Variants in UBIAD1 observed in about 807,000 individuals in gnomAD.
UBIAD1 encodes the protein UbiA prenyltransferase domain containing 1.
In UBIAD1, 12 loss-of-function variants were observed where a neutral mutation model predicts 20.1. The observed-to-expected ratio is 0.60, with a 90% CI of 0.38 to 0.97. UBIAD1 has a LOEUF of 0.97. UBIAD1 is among the 50% of genes least tolerant of loss of function. The probability of loss-of-function intolerance (pLI) is 0.00; values close to 1 mark genes in which losing one functional copy is unlikely to be tolerated. For missense variants in UBIAD1, 333 were observed against 419.5 expected (o/e 0.79, Z 1.80); for synonymous variants, 207 against 189.2 (o/e 1.09, Z -0.77).
At chr1:11,274,120 C>T (rs1557514388) in intron 1 of UBIAD1, 60 bp downstream of exon 1, 1 of 1,601,052 alleles carries the variant, frequency 6.2e-7, no homozygotes. Flanking sequence ...GAAACCGCTG[C>T]TTTGTAAAGG....
chr1:11,285,947 A>C lies in UBIAD1; in HGVS notation c.833A>C (p.His278Pro), dbSNP rs1220978127. The change falls in exon 2 of 2, where the codon CAC becomes CCC. Residue 278 changes from histidine to proline, a missense_variant. Physicochemically the swap from His to Pro is moderately conservative, Grantham distance 77. This residue lies in a region of UBIAD1 where 226 missense variants were observed against 263.5 expected (regional missense o/e 0.86). Transcript: ENST00000376810. The surrounding 1 kb of genome is among the most constrained non-coding windows in gnomAD (Gnocchi z 4.4). ...PYLVFSILATHCTISLALPLL... is the reference protein window; with the variant it reads ...PYLVFSILATPCTISLALPLL... Reference sequence around the variant, plus strand: ...CTGGTCTTCAGCATCCTGGCCACACACTGCACCATCAGCCTGGCACTCCCC... The same window carrying C: ...CTGGTCTTCAGCATCCTGGCCACACCCTGCACCATCAGCCTGGCACTCCCC... The C allele has an allele frequency of 6.2e-7, 1 of 1,614,040 alleles. No individual in the cohort carries two copies. Among genetic ancestry groups the C allele is most frequent in the East Asian group, 2.2e-5 (1 of 44,874 alleles).
chr1:11,288,633 C>T (rs1638312104), downstream of UBIAD1, among the ~76,000 whole-genome samples: 2 of 152,118 alleles, frequency 1.3e-5, no homozygotes, highest in South Asian at 2.1e-4. Flanking sequence ...AGGGACTGGG[C>T]ATGGTGGCTC....
chr1:11,293,760 C>G (rs1638403649), intron 1 of UBIAD1: 1 of 152,296 alleles, frequency 6.6e-6, no homozygotes, highest in Non-Finnish European at 1.5e-5. Flanking sequence ...GCTGCAACCT[C>G]TGCCTCCTGA....
At chr1:11,275,648 G>A (rs936027059) in intron 1 of UBIAD1, among the ~76,000 whole-genome samples, 24 of 152,136 alleles carry the variant, frequency 1.6e-4, no homozygotes, top group African/African-American at 5.6e-4. Context: ...GGAGGCTGAG[G>A]CGGGAGAATT....
intron 1 of UBIAD1, 22 bp downstream of exon 1, chr1:11,274,082 G>A: frequency 6.2e-7 from 1 of 1,613,896 alleles, no homozygotes; most frequent in Non-Finnish European, 8.5e-7. Flanking sequence ...CCTGTCCTGT[G>A]TGCTGCAGGT....
intron 1 of UBIAD1, among the ~76,000 whole-genome samples, chr1:11,280,580 G>A (rs1341883379): frequency 1.3e-5 from 2 of 152,058 alleles, no homozygotes; most frequent in African/African-American, 2.4e-5. Flanking sequence ...AACCTGCTTC[G>A]CCCACAGCTT....
In UBIAD1 at chr1:11,285,944, C is replaced by T; in HGVS notation, c.830C>T (p.Thr277Ile). Residue 277 changes from threonine to isoleucine, a missense_variant, in exon 2 of 2, where the codon ACA (threonine) becomes ATA (isoleucine). Physicochemically the swap from Thr to Ile is moderately conservative, Grantham distance 89. Transcript: ENST00000376810. This position sits in a 1 kb window ranked among gnomAD's most constrained non-coding sequence, Gnocchi z 4.4. ...LPYLVFSILA[T>I]HCTISLALPL... Reference sequence around the variant, plus strand: ...TACCTGGTCTTCAGCATCCTGGCCACACACTGCACCATCAGCCTGGCACTC... The same window carrying T: ...TACCTGGTCTTCAGCATCCTGGCCATACACTGCACCATCAGCCTGGCACTC... The T allele has an allele frequency of 1.2e-6, 2 of 1,614,224 alleles. No individual in the cohort carries two copies. Among genetic ancestry groups the T allele is most frequent in the Non-Finnish European group, 1.7e-6 (2 of 1,180,042 alleles).
At chr1:11,295,911 C>T (rs1026191034), downstream of UBIAD1, 2 of 152,244 alleles carry the variant, frequency 1.3e-5, no homozygotes, top group African/African-American at 2.4e-5. Flanking sequence ...TCAACATAGA[C>T]ACTTGTCCCT....
chr1:11,281,153 A>G (rs1652228828), intron 1 of UBIAD1, among the ~76,000 whole-genome samples: 2 of 152,066 alleles, frequency 1.3e-5, no homozygotes, highest in Non-Finnish European at 2.9e-5. Flanking sequence ...TCCTGCTTCT[A>G]ACCATGTGGT....
At chr1:11,275,369 A>G (rs1651981242) in intron 1 of UBIAD1, among the ~76,000 whole-genome samples, 1 of 152,146 alleles carries the variant, frequency 6.6e-6, no homozygotes, top group African/African-American at 2.4e-5. Context: ...GATAAGTGCT[A>G]TGGGAAAAAA....
chr1:11,296,649 AG>A (rs1638453259), downstream of UBIAD1, among the ~76,000 whole-genome samples: 1 of 152,110 alleles, frequency 6.6e-6, no homozygotes, highest in African/African-American at 2.4e-5. Context: ...CCTCCAGAGT[AG>A]CTTGGACTAC....
intron 1 of UBIAD1, chr1:11,278,897 C>A (rs1007481638): frequency 1.0e-5 from 3 of 293,808 alleles, no homozygotes; most frequent in Non-Finnish European, 2.0e-5. Flanking sequence ...CAGAGGCTCG[C>A]GCTGTGGCCC....
chr1:11,291,901 T>G (rs2101027648), downstream of UBIAD1: 2 of 152,222 alleles, frequency 1.3e-5, no homozygotes, highest in South Asian at 4.2e-4. Context: ...TTAAAACTTT[T>G]TTTTGCGTGT....
chr1:11,290,335 C>CT (rs1323087018), downstream of UBIAD1, among the ~76,000 whole-genome samples: 7 of 152,336 alleles, frequency 4.6e-5, no homozygotes, highest in African/African-American at 1.7e-4. Context: ...GGTCACCTCT[C>CT]TGCTACTGGA....
intron 1 of UBIAD1, among the ~76,000 whole-genome samples, chr1:11,277,120 C>G (rs978350007): frequency 3.3e-5 from 5 of 151,880 alleles, no homozygotes; most frequent in Non-Finnish European, 5.9e-5. Flanking sequence ...GCCTGTAGTC[C>G]CAGCTACTTG....
chr1:11,282,864 C>A (rs1206691449), intron 1 of UBIAD1, among the ~76,000 whole-genome samples: 16 of 149,082 alleles, frequency 1.1e-4, no homozygotes, highest in African/African-American at 3.0e-4. Flanking sequence ...CTGTGCCTGG[C>A]CTTTTTTTTT....
chr1:11,286,149 C>G lies in UBIAD1; in HGVS notation c.*18C>G, dbSNP rs191663672. On this transcript the variant is annotated 3_prime_UTR_variant, in exon 2 of 2. Transcript: ENST00000376810. Reference sequence around the variant, plus strand: ...AAATTTAAGGGGACAAGTAGCTCCCCCCACGACATGTCTCCCTTTCTTAGA... The same window carrying G: ...AAATTTAAGGGGACAAGTAGCTCCCGCCACGACATGTCTCCCTTTCTTAGA... 21 of 1,613,998 alleles carry G rather than the reference C, an allele frequency of 1.3e-5. No individual in the cohort carries two copies. The highest frequency in any genetic ancestry group is 1.8e-5 in the Non-Finnish European group (21 of 1,180,018).
chr1:11,281,494 A>T (rs28689712), intron 1 of UBIAD1, among the ~76,000 whole-genome samples: 1 of 152,222 alleles, frequency 6.6e-6, no homozygotes, highest in African/African-American at 2.4e-5. Flanking sequence ...ACAAATGGGA[A>T]GGCATTGAAA....
chr1:11,288,854 G>A (rs1053514433), downstream of UBIAD1, among the ~76,000 whole-genome samples: 7 of 152,144 alleles, frequency 4.6e-5, no homozygotes, highest in Non-Finnish European at 7.4e-5. Context: ...CGAGGCTGCA[G>A]TGAGGTATGA....
Sources: gnomAD v4.1 joint callset for allele counts (sites outside exome capture counted in the v4.1 genomes callset) on GRCh38, gnomAD v4.1.1 for gene constraint, gnomAD v4.1.1 regional missense constraint, Gnocchi (gnomAD v3.1) non-coding constraint, MANE v1.5 for transcripts, NCBI Gene and HGNC (gene_info 2026-07-23, HGNC 2026-07-21) for gene names.